KIFC3: variants seen among roughly 807,000 people sequenced by gnomAD.
The protein encoded by KIFC3 is kinesin family member C3, also known as kinesin-like protein KIFC3.
In KIFC3, 60 loss-of-function variants were observed where a neutral mutation model predicts 101.8. That is an observed-to-expected ratio of 0.59 (90% CI 0.48 to 0.73). The LOEUF (loss-of-function observed/expected upper bound fraction) is 0.73, where lower values mean the gene tolerates loss of function less well. Among genes scored for constraint, KIFC3 ranks in the 30% least tolerant of loss-of-function variants. The probability of loss-of-function intolerance (pLI) is 0.00; values close to 1 mark genes in which losing one functional copy is unlikely to be tolerated. For missense variants in KIFC3, 966 were observed against 1,137.1 expected (o/e 0.85, Z 2.16); for synonymous variants, 476 against 482.7 (o/e 0.99, Z 0.18).
At chr16:57,803,632 G>A (rs1273958004), upstream of KIFC3, among the ~76,000 whole-genome samples, 1 of 152,228 alleles carries the variant, frequency 6.6e-6, no homozygotes, top group Non-Finnish European at 1.5e-5. Context: ...CAAGGGCCTG[G>A]GCCTCAGATT....
chr16:57,831,490 G>A (rs1231807345), intron 1 of KIFC3, among the ~76,000 whole-genome samples: 2 of 152,116 alleles, frequency 1.3e-5, no homozygotes, highest in African/African-American at 4.8e-5. Context: ...GACCAACCTG[G>A]GTGATGTGGG....
chr16:57,798,353 G>A, intron 1 of KIFC3, 71 bp from the exon 2 acceptor site: 2 of 1,395,412 alleles, frequency 1.4e-6, no homozygotes, highest in Non-Finnish European at 2.0e-6. Context: ...GGCAGAGCCA[G>A]CCATCTGGAA....
At chr16:57,840,338 G>C (rs569419397) in intron 1 of KIFC3, among the ~76,000 whole-genome samples, 7 of 151,784 alleles carry the variant, frequency 4.6e-5, no homozygotes, top group African/African-American at 1.7e-4. Context: ...ACTCTGTCTC[G>C]AAAACAAACA....
intron 1 of KIFC3, among the ~76,000 whole-genome samples, chr16:57,858,062 T>G (rs2056217698): frequency 6.6e-6 from 1 of 152,042 alleles, no homozygotes; most frequent in Admixed American, 6.6e-5. Flanking sequence ...GTGATCCACC[T>G]GCCTCGGCCT....
chr16:57,790,915 G>A (rs546492677), intron 3 of KIFC3: 213 of 985,262 alleles, frequency 2.2e-4, no homozygotes, highest in Non-Finnish European at 2.5e-4. Context: ...TGAGAAGGGC[G>A]GGTGGCAGAC....
chr16:57,759,299 C>T (rs1056267333), intron 18 of KIFC3, 146 bp from the exon 19 acceptor site: 2 of 981,192 alleles, frequency 2.0e-6, no homozygotes, highest in Non-Finnish European at 3.0e-6. Context: ...GCCCTGGGTC[C>T]CGGTCCTGTG....
chr16:57,862,748 C>A, exon 1 of KIFC3: 1 of 1,289,234 alleles, frequency 7.8e-7, no homozygotes, highest in African/African-American at 1.5e-5. Context: ...CTCCGGGACA[C>A]CAGCCTCCAA....
At chr16:57,788,758 A>C (rs782783251) in intron 3 of KIFC3, 1 of 1,284,528 alleles carries the variant, frequency 7.8e-7, no homozygotes, top group South Asian at 1.2e-5. Flanking sequence ...AGACTGTGCC[A>C]GGGAAGGACC....
At chr16:57,792,158 T>C (rs1473845908) in intron 3 of KIFC3, among the ~76,000 whole-genome samples, 1 of 152,150 alleles carries the variant, frequency 6.6e-6, no homozygotes, top group Non-Finnish European at 1.5e-5. Flanking sequence ...AGAATCAGTG[T>C]GTGTGGATGG....
chr16:57,850,066 C>G (rs2056016687), intron 1 of KIFC3, among the ~76,000 whole-genome samples: 1 of 151,686 alleles, frequency 6.6e-6, no homozygotes, highest in Non-Finnish European at 1.5e-5. Flanking sequence ...TACACTTCAG[C>G]CTGGGTGACA....
chr16:57,850,440 T>A (rs112203851), intron 1 of KIFC3, among the ~76,000 whole-genome samples: 19,037 of 139,682 alleles, frequency 0.14, 1,356 homozygotes, highest in South Asian at 0.21. Flanking sequence ...ATAATAATAA[T>A]AAATAAAAAT....
At chr16:57,779,710 A>G (rs1185878048) in intron 3 of KIFC3, among the ~76,000 whole-genome samples, 1 of 152,168 alleles carries the variant, frequency 6.6e-6, no homozygotes, top group Non-Finnish European at 1.5e-5. Context: ...GCTATGCGGG[A>G]GCCGGAGACA....
rs192480833 is a variant in KIFC3, at chr16:57,773,016, C to T, written c.316-728G>A. On this transcript the variant is annotated intron_variant, in intron 3 of 19. Transcript: ENST00000445690. ...AGATCCCAGGGGAGCAACCCTTCCCCGGCGCTGTCCTCCAGCCACCCATCC... is the reference window on the plus strand; with the variant it reads ...AGATCCCAGGGGAGCAACCCTTCCCTGGCGCTGTCCTCCAGCCACCCATCC... Among the ~76,000 whole-genome samples the T allele has an allele frequency of 1.1e-4, 17 of 152,294 alleles. No individual in the cohort carries two copies. In the East Asian group the frequency reaches 2.7e-3, roughly 24 times the overall value.
chr16:57,831,264 C>CG (rs1567328110), intron 1 of KIFC3, among the ~76,000 whole-genome samples: 1 of 152,216 alleles, frequency 6.6e-6, no homozygotes, highest in Non-Finnish European at 1.5e-5. Flanking sequence ...GCTAACCCCA[C>CG]GGGGGGTTCT....
chr16:57,830,096 G>A (rs1259217353), intron 1 of KIFC3, among the ~76,000 whole-genome samples: 1 of 152,098 alleles, frequency 6.6e-6, no homozygotes, highest in Non-Finnish European at 1.5e-5. Context: ...GAAAGGCCAG[G>A]TATAGCCCAG....
At chr16:57,804,957 T>A (rs1598178903), upstream of KIFC3, among the ~76,000 whole-genome samples, 1 of 148,458 alleles carries the variant, frequency 6.7e-6, no homozygotes, top group African/African-American at 2.5e-5. Context: ...CAAGCTGGAG[T>A]GCAGTGGGAT....
intron 7 of KIFC3, among the ~76,000 whole-genome samples, chr16:57,770,278 G>A (rs35515996): frequency 0.073 from 11,085 of 152,342 alleles, 455 homozygotes; most frequent in South Asian, 0.12. Flanking sequence ...GTGCTGGGCC[G>A]TGGGCACAAA....
In KIFC3 at chr16:57,761,465, TACAGCTGCCCACTG is replaced by T; in HGVS notation, c.1806_1819del (p.Ser603CysfsTer6). ...TTGGAACTCAGTCAGCCCTGGTACA[TACAGCTGCCCACTG>T]CCGTCTGGGCACAGCCGGATCTCCA... is the stretch of plus-strand genomic sequence containing the variant. On this transcript the variant is annotated frameshift_variant, in exon 14 of 20. Transcript: ENST00000445690. LOFTEE classifies it high-confidence loss of function. 6.2e-7 allele frequency: 1 copy of T among 1,614,016 alleles called. No homozygotes were observed. Among genetic ancestry groups the T allele is most frequent in the Non-Finnish European group, 8.5e-7 (1 of 1,179,924 alleles).
chr16:57,816,146 G>A, intron 1 of KIFC3: 1 of 1,209,174 alleles, frequency 8.3e-7, no homozygotes, highest in Non-Finnish European at 1.1e-6. Context: ...TACCTGAGCT[G>A]CTGGGGAGAG....
Sources: allele counts gnomAD v4.1 joint callset (sites outside exome capture counted in the v4.1 genomes callset), GRCh38; gene constraint gnomAD v4.1.1; transcripts MANE v1.5; gene names NCBI Gene and HGNC (gene_info 2026-07-23, HGNC 2026-07-21).